CAGE1: variants seen among roughly 807,000 people sequenced by gnomAD.
CAGE1 encodes the protein cancer-associated gene 1 protein.
CAGE1 carries 66 observed loss-of-function variants against 94.9 expected under a neutral mutation model. The observed-to-expected ratio is 0.70, with a 90% CI of 0.57 to 0.85. The LOEUF is 0.85. Among genes scored for constraint, CAGE1 ranks in the 40% least tolerant of loss-of-function variants. CAGE1 has a pLI of 0.00. For missense variants in CAGE1, 865 were observed against 950.4 expected, an observed-to-expected ratio of 0.91 and a Z score of 1.18; for synonymous variants, 319 against 321.0, an observed-to-expected ratio of 0.99 and a Z score of 0.07.
At chr6:7,341,553 C>G in intron 11 of CAGE1, 2 of 1,217,382 alleles carry the variant, frequency 1.6e-6, no homozygotes, top group Non-Finnish European at 2.4e-6. Flanking sequence ...GGCCTCGGAC[C>G]TTTTTCCTCT....
intron 9 of CAGE1, among the ~76,000 whole-genome samples, chr6:7,360,023 C>T (rs559440783): frequency 6.6e-5 from 10 of 152,328 alleles, no homozygotes; most frequent in South Asian, 2.1e-4. Flanking sequence ...CTTCTAAAGG[C>T]TGCCCACATC....
intron 11 of CAGE1, among the ~76,000 whole-genome samples, chr6:7,354,521 C>A (rs1276377572): frequency 6.6e-6 from 1 of 151,990 alleles, no homozygotes; most frequent in Non-Finnish European, 1.5e-5. Context: ...TGATAGCCAG[C>A]ACAGCATATA....
chr6:7,341,100 C>A, intron 11 of CAGE1: 2 of 542,644 alleles, frequency 3.7e-6, no homozygotes, highest in Non-Finnish European at 7.3e-6. Flanking sequence ...TCTCCAATGC[C>A]TTTAGCTTGG....
In CAGE1 at chr6:7,373,908, G is replaced by A; in HGVS notation, c.911C>T (p.Ala304Val). 1 of 1,613,954 alleles carries A rather than the reference G, an allele frequency of 6.2e-7. No homozygotes were observed. The highest frequency in any genetic ancestry group is 8.5e-7 in the Non-Finnish European group (1 of 1,179,884). Residue 304 changes from alanine to valine, a missense_variant, in exon 5 of 14, where the codon GCT (alanine) becomes GTT (valine). By Grantham distance (64) the Ala-to-Val change is moderately conservative. Coordinates refer to ENST00000502583, the MANE Select transcript of CAGE1 (RefSeq NM_001170692.2). ...TAATTTCTGCAAGACTTCATTTAAA[G>A]CCATGTCCTCTTGAACAGGTTGTAA... is the stretch of plus-strand genomic sequence containing the variant. ...ESLQPVQEDM[A>V]LNEVLQKLKH...
intron 12 of CAGE1, among the ~76,000 whole-genome samples, chr6:7,333,046 G>A (rs1157668457): frequency 6.6e-6 from 1 of 152,206 alleles, no homozygotes; most frequent in East Asian, 1.9e-4. Flanking sequence ...TGCCTCCCGG[G>A]TTCAAGCGAT....
At chr6:7,341,200 C>A in intron 11 of CAGE1, 1 of 644,322 alleles carries the variant, frequency 1.6e-6, no homozygotes, top group Non-Finnish European at 2.8e-6. Flanking sequence ...GAGCAGTTGA[C>A]ACAGCTTGTG....
Position 7,370,036 on chromosome 6 carries a change from G to T in CAGE1, c.1776C>A (p.Leu592=), listed in dbSNP as rs1197353444. The change falls in exon 6 of 14, where the codon CTC becomes CTA. Residue 592 remains leucine (L), a synonymous_variant. Transcript: ENST00000502583. ...TCTCTTCACAAGGTGAGCAATCCGG[G>T]AGCAGATTAGAATGTGTCGTTTTTG... The part of the protein sequence containing the change: ...KDTKTTHSNL[L]PDCSPCEERL... 1.9e-6 allele frequency: 3 copies of T among 1,612,438 alleles called. No homozygotes were observed. In the South Asian group the frequency reaches 3.3e-5, roughly 18 times the overall value.
At chr6:7,351,003 T>C (rs1318752782) in intron 11 of CAGE1, among the ~76,000 whole-genome samples, 1 of 152,104 alleles carries the variant, frequency 6.6e-6, no homozygotes, top group Non-Finnish European at 1.5e-5. Context: ...ATAAAATTGA[T>C]AGATCATTTA....
intron 13 of CAGE1, among the ~76,000 whole-genome samples, chr6:7,327,929 TA>T (rs1426539936): frequency 5.6e-5 from 6 of 106,280 alleles, no homozygotes; most frequent in African/African-American, 1.9e-4. Flanking sequence ...AAACTCCGTC[TA>T]AAAAATAAAT....
intron 11 of CAGE1, among the ~76,000 whole-genome samples, chr6:7,345,255 G>C (rs953321473): frequency 6.6e-6 from 1 of 152,152 alleles, no homozygotes; most frequent in African/African-American, 2.4e-5. Flanking sequence ...AACAACTCCA[G>C]ACACGCTACC....
chr6:7,345,143 AGCTAGGTCCATATTGCTTTTAG>A (rs1759399447), intron 11 of CAGE1, among the ~76,000 whole-genome samples: 3 of 42,114 alleles, frequency 7.1e-5, no homozygotes, highest in African/African-American at 5.2e-4. Context: ...TGCTTTTAGG[AGCTAGGTCCATATTGCTTTTAG>A]GAGCTATGAC....
At position 7,354,946 on chromosome 6, in the gene CAGE1, C is replaced by T. The variant is rs1759899133; in HGVS notation, c.2369+95G>A. The T allele has an allele frequency of 6.9e-6, 6 of 864,642 alleles. No individual in the cohort carries two copies. In the South Asian group the frequency reaches 8.8e-5, roughly 13 times the overall value. The allele number at this position is 864,642 out of a possible 1,614,324, so 53.6% of individuals were successfully genotyped here. On this transcript the variant is annotated intron_variant, in intron 11 of 13. Transcript: ENST00000502583. The stretch of plus-strand genomic sequence containing the variant: ...TTAATTAATAAAACTGCACATTTTT[C>T]TTCTTTCTAGGAGTCTGAAAAAAAG...
intron 11 of CAGE1, among the ~76,000 whole-genome samples, chr6:7,352,306 C>CCA (rs1554137884): frequency 9.6e-6 from 1 of 103,980 alleles, no homozygotes; most frequent in African/African-American, 4.3e-5. Flanking sequence ...AAAAAAAAAA[C>CCA]AAAAAAAAAC....
At position 7,374,034 on chromosome 6, in the gene CAGE1, G is replaced by C. The variant is rs761917930; in HGVS notation, c.785C>G (p.Pro262Arg). ...KEVTAEGVERPEIVSTWSSAG... is the reference protein window; with the variant it reads ...KEVTAEGVERREIVSTWSSAG... Reference sequence around the variant, plus strand: ...CGAAGACCAAGTTGAGACAATTTCTGGCCTCTCCACACCCTCTGCTGTGAC... The same window carrying C: ...CGAAGACCAAGTTGAGACAATTTCTCGCCTCTCCACACCCTCTGCTGTGAC... The change falls in exon 5 of 14, where the codon CCA (proline) becomes CGA (arginine). Residue 262 changes from proline to arginine, a missense_variant. Physicochemically the swap from Pro to Arg is moderately radical, Grantham distance 103 (BLOSUM62 -2). Coordinates refer to ENST00000502583, the MANE Select transcript of CAGE1 (RefSeq NM_001170692.2). 3.1e-6 allele frequency: 5 copies of C among 1,613,934 alleles called. No homozygotes were observed. In the South Asian group the frequency reaches 4.4e-5, roughly 14 times the overall value.
intron 3 of CAGE1, 46 bp downstream of exon 3, chr6:7,385,739 A>G: frequency 4.0e-6 from 5 of 1,240,590 alleles, no homozygotes; most frequent in Non-Finnish European, 5.6e-6. Context: ...CGGAACACAA[A>G]AAAAAGTTTC....
At chr6:7,328,906 G>C (rs1758628820) in intron 13 of CAGE1, among the ~76,000 whole-genome samples, 1 of 101,076 alleles carries the variant, frequency 9.9e-6, no homozygotes, top group Non-Finnish European at 2.0e-5. Flanking sequence ...GTGTGTGTGT[G>C]TGTGTGTGTG....
intron 11 of CAGE1, chr6:7,341,175 C>A: frequency 3.3e-6 from 2 of 599,812 alleles, no homozygotes; most frequent in Admixed American, 4.1e-5. Context: ...CTTTGTCAAT[C>A]CATTCTGTGT....
At position 7,378,679 on chromosome 6, in the gene CAGE1, C is replaced by A. The variant is rs774449564; in HGVS notation, c.625G>T (p.Ala209Ser). The change falls in exon 4 of 14, where the codon GCT becomes TCT. Residue 209 changes from alanine to serine, a missense_variant. Ala to Ser is a moderately conservative substitution (Grantham distance 99). Coordinates refer to ENST00000502583, the MANE Select transcript of CAGE1 (RefSeq NM_001170692.2). ...GCAGATTCCTTGGCAATACTTTTAG[C>A]CAGTGACTTTTCTGTAAATTTCAGC... is the stretch of plus-strand genomic sequence containing the variant. The part of the protein sequence containing the change: ...EMLKFTEKSL[A>S]KSIAKESALN... 3.1e-6 allele frequency: 5 copies of A among 1,612,532 alleles called. No homozygotes were observed. Among genetic ancestry groups the A allele is most frequent in the Non-Finnish European group, 4.2e-6 (5 of 1,179,488 alleles).
intron 11 of CAGE1, among the ~76,000 whole-genome samples, chr6:7,350,163 A>G (rs910140839): frequency 3.9e-5 from 6 of 152,156 alleles, no homozygotes; most frequent in Non-Finnish European, 8.8e-5. Context: ...AGAGACAAAG[A>G]GAGACATTAT....
Sources: allele counts gnomAD v4.1 joint callset (sites outside exome capture counted in the v4.1 genomes callset), GRCh38; gene constraint gnomAD v4.1.1; transcripts MANE v1.5; gene names NCBI Gene and HGNC (gene_info 2026-07-23, HGNC 2026-07-21).